Variants in SERGEF observed in about 807,000 individuals in gnomAD.
The protein encoded by SERGEF is secretion regulating guanine nucleotide exchange factor.
A neutral mutation model predicts 50.0 loss-of-function variants in SERGEF; 51 were observed. The observed-to-expected ratio is 1.02, with a 90% CI of 0.81 to 1.29. The LOEUF is 1.29. SERGEF is among the 50% of genes most tolerant of loss of function. SERGEF has a pLI of 0.00. For synonymous variants in SERGEF, 205 were observed against 212.4 expected (o/e 0.97, Z 0.30); for missense variants, 521 against 557.0 (o/e 0.94, Z 0.65).
chr11:17,998,754 A>G (rs1853899255), intron 5 of SERGEF, among the ~76,000 whole-genome samples: 2 of 151,536 alleles, frequency 1.3e-5, no homozygotes, highest in African/African-American at 2.4e-5. Flanking sequence ...AGACATCAGA[A>G]ATCTCTCCCT....
chr11:17,850,337 T>C (rs1850688963), intron 10 of SERGEF, among the ~76,000 whole-genome samples: 1 of 152,174 alleles, frequency 6.6e-6, no homozygotes. Context: ...CTCCAAATCC[T>C]AGCCTCCTCA....
At chr11:17,816,197 T>C (rs1343738141) in intron 10 of SERGEF, among the ~76,000 whole-genome samples, 1 of 152,148 alleles carries the variant, frequency 6.6e-6, no homozygotes, top group Non-Finnish European at 1.5e-5. Context: ...AGCACCATGG[T>C]GTCTCCTGAG....
In SERGEF at chr11:17,855,104, T is replaced by C. The variant is rs1234471196; in HGVS notation, c.1048+23104A>G. ...CTTCATTTGAAAATTATAATGAAAC[T>C]ATTAAAACTATAATATTCTTACTTT... On this transcript the variant is annotated intron_variant, in intron 10 of 10. Coordinates refer to ENST00000265965, the MANE Select transcript of SERGEF (RefSeq NM_012139.4). The C allele has an allele frequency of 4.6e-5, 7 of 152,214 alleles. 1 individual carries two copies. The South Asian group carries it at 1.5e-3, about 32-fold the overall frequency. The allele number at this position is 152,214 out of a possible 1,614,324, so 9.4% of individuals were successfully genotyped here.
intron 1 of SERGEF, among the ~76,000 whole-genome samples, chr11:18,011,006 G>GT (rs1262926923): frequency 6.6e-6 from 1 of 152,122 alleles, no homozygotes; most frequent in Admixed American, 6.5e-5. Flanking sequence ...ACCAATTTTT[G>GT]TAACACTGTG....
chr11:17,885,243 G>GT (rs1261039506), intron 9 of SERGEF, among the ~76,000 whole-genome samples: 3 of 152,126 alleles, frequency 2.0e-5, no homozygotes, highest in African/African-American at 7.2e-5. Context: ...TATCATCTTA[G>GT]TTTAGTCCTT....
chr11:17,876,442 G>A (rs567183360), intron 10 of SERGEF, among the ~76,000 whole-genome samples: 8 of 152,062 alleles, frequency 5.3e-5, no homozygotes, highest in Admixed American at 1.3e-4. Context: ...CTCCCCTCCC[G>A]CTACCCAACC....
intron 8 of SERGEF, among the ~76,000 whole-genome samples, chr11:17,975,593 T>G (rs1263676515): frequency 6.6e-6 from 1 of 152,060 alleles, no homozygotes; most frequent in Non-Finnish European, 1.5e-5. Context: ...TGAAAGGGGC[T>G]CCCCTAAGAA....
chr11:17,992,139 A>G (rs1247314349), intron 7 of SERGEF, among the ~76,000 whole-genome samples: 3 of 152,208 alleles, frequency 2.0e-5, no homozygotes, highest in African/African-American at 4.8e-5. Flanking sequence ...AGCCAAAGAG[A>G]GAGATATAGT....
intron 10 of SERGEF, among the ~76,000 whole-genome samples, chr11:17,830,171 C>T (rs1028338586): frequency 3.9e-5 from 6 of 152,232 alleles, no homozygotes; most frequent in Non-Finnish European, 2.9e-5. Flanking sequence ...ACATTGATCT[C>T]CAATCCCTTA....
At chr11:17,828,550 T>C (rs1249104017) in intron 10 of SERGEF, among the ~76,000 whole-genome samples, 4 of 152,238 alleles carry the variant, frequency 2.6e-5, no homozygotes. Flanking sequence ...GTCATCTTGA[T>C]TCTTCAAGGC....
chr11:17,961,968 C>T (rs553850420), intron 8 of SERGEF, among the ~76,000 whole-genome samples: 1 of 152,164 alleles, frequency 6.6e-6, no homozygotes, highest in Non-Finnish European at 1.5e-5. Context: ...CACAATAATG[C>T]TATGGCATAT....
chr11:17,983,721 G>A (rs974377337), intron 8 of SERGEF, among the ~76,000 whole-genome samples: 4 of 136,672 alleles, frequency 2.9e-5, no homozygotes, highest in Non-Finnish European at 4.6e-5. Context: ...GCACAAAAGA[G>A]AGGTTTACGG....
chr11:17,896,668 C>G (rs1230723689), intron 9 of SERGEF, among the ~76,000 whole-genome samples: 13 of 7,676 alleles, frequency 1.7e-3, no homozygotes, highest in Admixed American at 4.3e-3. Flanking sequence ...GGAAGGGTAA[C>G]GGGAAGGGAA....
chr11:17,941,745 C>T (rs182032501), intron 9 of SERGEF, among the ~76,000 whole-genome samples: 41 of 152,302 alleles, frequency 2.7e-4, no homozygotes, highest in Admixed American at 4.6e-4. Flanking sequence ...TTTACGTTCC[C>T]ACCAATAGTG....
chr11:17,843,944 T>C (rs888793020), intron 10 of SERGEF, among the ~76,000 whole-genome samples: 1 of 152,208 alleles, frequency 6.6e-6, no homozygotes, highest in African/African-American at 2.4e-5. Flanking sequence ...CTGGAATTAA[T>C]TACCTGGAGG....
rs1188754970 is a variant in SERGEF, at chr11:17,991,893, C to T, written c.685+1038G>A. Among the ~76,000 whole-genome samples the T allele has an allele frequency of 6.6e-6, 1 of 152,194 alleles. No individual in the cohort carries two copies. Among genetic ancestry groups the T allele is most frequent in the Admixed American group, 6.5e-5 (1 of 15,282 alleles). ...TAAAACACTAAGTACGGAAGTCCCT[C>T]CTCTTTGCTTAAAAAATAGAATACA... On this transcript the variant is annotated intron_variant, in intron 7 of 10. Transcript: ENST00000265965. The surrounding 1 kb of genome is among the most constrained non-coding windows in gnomAD (Gnocchi z 4.9).
chr11:17,937,841 T>C (rs1415162260), intron 9 of SERGEF, among the ~76,000 whole-genome samples: 6 of 152,144 alleles, frequency 3.9e-5, no homozygotes, highest in Non-Finnish European at 5.9e-5. Flanking sequence ...GGTTAGACTT[T>C]AGAGACCTGG....
intron 9 of SERGEF, among the ~76,000 whole-genome samples, chr11:17,921,592 T>C (rs1484750060): frequency 6.6e-6 from 1 of 152,214 alleles, no homozygotes; most frequent in Non-Finnish European, 1.5e-5. Context: ...AGTAAGCATG[T>C]AACTCCCACA....
intron 8 of SERGEF, among the ~76,000 whole-genome samples, chr11:17,977,582 G>A (rs951556638): frequency 6.6e-6 from 1 of 152,146 alleles, no homozygotes; most frequent in African/African-American, 2.4e-5. Context: ...CAAAATATCT[G>A]TTGCCCCCTC....
Sources: gnomAD v4.1 joint callset for allele counts (sites outside exome capture counted in the v4.1 genomes callset) on GRCh38, gnomAD v4.1.1 for gene constraint, Gnocchi (gnomAD v3.1) non-coding constraint, MANE v1.5 for transcripts, NCBI Gene and HGNC (gene_info 2026-07-23, HGNC 2026-07-21) for gene names.